The following MRPS16 variants were observed in gnomAD, a reference collection of about 807,000 sequenced individuals.
The protein encoded by MRPS16 is mitochondrial ribosomal protein S16.
In MRPS16, 5 loss-of-function variants were observed where a neutral mutation model predicts 11.0. That is an observed-to-expected ratio of 0.46 (90% CI 0.24 to 0.96). MRPS16 has a LOEUF of 0.96. Ranked by LOEUF, MRPS16 falls within the 40% of genes least tolerant of loss-of-function variation. The probability of loss-of-function intolerance (pLI) is 0.20; values close to 1 mark genes in which losing one functional copy is unlikely to be tolerated. For synonymous variants in MRPS16, 76 were observed against 65.0 expected (o/e 1.17, Z -0.81); for missense variants, 179 against 174.4 (o/e 1.03, Z -0.15).
Position 73,248,989 on chromosome 10 carries a change from G to T in MRPS16, c.*1863C>A, listed in dbSNP as rs1362154957. On this transcript the variant is annotated 3_prime_UTR_variant, in exon 3 of 3. Transcript: ENST00000372945. ...GCTGGACTGTAGTGGAACAATCACA[G>T]TTCACTGCAGCATCGGCCTCCTGGG... 1 of 572,454 alleles carries T rather than the reference G, an allele frequency of 1.7e-6. No individual in the cohort carries two copies. Among genetic ancestry groups the T allele is most frequent in the Non-Finnish European group, 3.4e-6 (1 of 295,094 alleles). The allele number at this position is 572,454 out of a possible 1,614,324, so 35.5% of individuals were successfully genotyped here. A position where few individuals can be genotyped will look rare whatever the true frequency, so the allele number is the denominator to read the frequency against.
In MRPS16 at chr10:73,249,515, T is replaced by G; in HGVS notation, c.*1337A>C. On this transcript the variant is annotated 3_prime_UTR_variant, in exon 3 of 3. Coordinates refer to ENST00000372945, the MANE Select transcript of MRPS16 (RefSeq NM_016065.4). ...CAGTTTATCCTAACACAGAGCAGCC[T>G]TCTTAACCTGCTCCATAAAATTACC... 1 of 522,176 alleles carries G rather than the reference T, an allele frequency of 1.9e-6. No individual in the cohort carries two copies. The highest frequency in any genetic ancestry group is 3.3e-6 in the Non-Finnish European group (1 of 299,606). The allele number at this position is 522,176 out of a possible 1,614,324, so 32.3% of individuals were successfully genotyped here. A position where few individuals can be genotyped will look rare whatever the true frequency, so the allele number is the denominator to read the frequency against.
At chr10:73,251,360 G>C (rs186371385) in intron 2 of MRPS16, among the ~76,000 whole-genome samples, 3 of 151,928 alleles carry the variant, frequency 2.0e-5, no homozygotes, top group African/African-American at 7.3e-5. Flanking sequence ...GAACAGCCTA[G>C]AGGGAATGAA....
Position 73,250,685 on chromosome 10 carries a change from A to G in MRPS16, c.*167T>C, listed in dbSNP as rs1016037718. ...ACCCACACCCAGCTCTAAGTCACAC[A>G]AGAACAAATCTCTCCCTGGGCCCTG... is the stretch of plus-strand genomic sequence containing the variant. On this transcript the variant is annotated 3_prime_UTR_variant, in exon 3 of 3. Coordinates refer to ENST00000372945, the MANE Select transcript of MRPS16 (RefSeq NM_016065.4). The G allele has an allele frequency of 1.9e-5, 17 of 910,206 alleles. No individual in the cohort carries two copies. Among genetic ancestry groups the G allele is most frequent in the Non-Finnish European group, 3.0e-5 (17 of 575,712 alleles). The allele number at this position is 910,206 out of a possible 1,614,324, so 56.4% of individuals were successfully genotyped here. A position where few individuals can be genotyped will look rare whatever the true frequency, so the allele number is the denominator to read the frequency against.
rs188485257 is a variant in MRPS16 at position 73,249,396 on chromosome 10, G to C, written c.*1456C>G. 143 of 1,396,490 alleles carry C rather than the reference G, an allele frequency of 1.0e-4. 1 individual carries two copies. In the African/African-American group the frequency reaches 1.8e-3, roughly 17 times the overall value. 86.5% of individuals were successfully genotyped at this position (1,396,490 alleles called of 1,614,324 possible). Reference sequence around the variant, plus strand: ...TATTCAAATACATTCAAACTATAAAGATCCCTTATAGATTACTGGCATCAA... The same window carrying C: ...TATTCAAATACATTCAAACTATAAACATCCCTTATAGATTACTGGCATCAA... On this transcript the variant is annotated 3_prime_UTR_variant, in exon 3 of 3. Coordinates refer to ENST00000372945, the MANE Select transcript of MRPS16 (RefSeq NM_016065.4).
rs561738482 is a variant in MRPS16, at chr10:73,250,571, T to A, written c.*281A>T. The A allele has an allele frequency of 2.1e-5, 9 of 437,130 alleles. No homozygotes were observed. Among genetic ancestry groups the A allele is most frequent in the African/African-American group, 1.8e-4 (9 of 50,004 alleles). 27.1% of individuals were successfully genotyped at this position (437,130 alleles called of 1,614,324 possible). Reference sequence around the variant, plus strand: ...CTTGGAAGCCAGTAAATTGTAAAGTTGTCCAAGAGACCCAGAGCCCAACTC... The same window carrying A: ...CTTGGAAGCCAGTAAATTGTAAAGTAGTCCAAGAGACCCAGAGCCCAACTC... On this transcript the variant is annotated 3_prime_UTR_variant, in exon 3 of 3. Transcript: ENST00000372945.
rs952943534 is a variant in MRPS16 at position 73,250,643 on chromosome 10, G to A, written c.*209C>T. 4.9e-6 allele frequency: 3 copies of A among 618,458 alleles called. No individual in the cohort carries two copies. The highest frequency in any genetic ancestry group is 3.7e-5 in the African/African-American group (2 of 53,870). The allele number at this position is 618,458 out of a possible 1,614,324, so 38.3% of individuals were successfully genotyped here. On this transcript the variant is annotated 3_prime_UTR_variant, in exon 3 of 3. Transcript: ENST00000372945. ...CCACTGTCTATCCCAAGACAAAGTC[G>A]AAAAAAGCTAATTAGTACCCACACC...
At position 73,249,308 on chromosome 10, in the gene MRPS16, A is replaced by G. The variant is rs780557490; in HGVS notation, c.*1544T>C. 1 of 1,550,082 alleles carries G rather than the reference A, an allele frequency of 6.5e-7. No homozygotes were observed. The highest frequency in any genetic ancestry group is 8.7e-7 in the Non-Finnish European group (1 of 1,146,620). ...CTTCAGGCTTTTAAAACACATGGGA[A>G]TACTTGAGACCTAAGAATGGTTGTG... On this transcript the variant is annotated 3_prime_UTR_variant, in exon 3 of 3. Transcript: ENST00000372945.
chr10:73,250,801 A>T lies in MRPS16; in HGVS notation c.*51T>A. 6.2e-7 allele frequency: 1 copy of T among 1,606,758 alleles called. No homozygotes were observed. Among genetic ancestry groups the T allele is most frequent in the Non-Finnish European group, 8.5e-7 (1 of 1,177,090 alleles). On this transcript the variant is annotated 3_prime_UTR_variant, in exon 3 of 3. Transcript: ENST00000372945. ...AAAATTAAGATCGCTGCAGTGTTTC[A>T]AAAGGACCTTGACCTTGTTCCCACT...
rs766940985 is a variant in MRPS16, at chr10:73,248,974, A to G, written c.*1878T>C. On this transcript the variant is annotated 3_prime_UTR_variant, in exon 3 of 3. Transcript: ENST00000372945. The stretch of plus-strand genomic sequence containing the variant: ...TTCTCTGTCACCCAGGCTGGACTGT[A>G]GTGGAACAATCACAGTTCACTGCAG... The G allele has an allele frequency of 8.9e-6, 5 of 564,172 alleles. No homozygotes were observed. Among genetic ancestry groups the G allele is most frequent in the African/African-American group, 1.9e-5 (1 of 53,666 alleles). 34.9% of individuals were successfully genotyped at this position (564,172 alleles called of 1,614,324 possible). A position where few individuals can be genotyped will look rare whatever the true frequency, so the allele number is the denominator to read the frequency against.
Position 73,250,492 on chromosome 10 carries a change from T to G in MRPS16, c.*360A>C. ...TGTTCTTGCACTTGTGGGATGAACATGAAGATCTGAATGGGCCATGAATAG... is the reference window on the plus strand; with the variant it reads ...TGTTCTTGCACTTGTGGGATGAACAGGAAGATCTGAATGGGCCATGAATAG... On this transcript the variant is annotated 3_prime_UTR_variant, in exon 3 of 3. Coordinates refer to ENST00000372945, the MANE Select transcript of MRPS16 (RefSeq NM_016065.4). 3.3e-6 allele frequency: 1 copy of G among 305,726 alleles called. No individual in the cohort carries two copies. Among genetic ancestry groups the G allele is most frequent in the Non-Finnish European group, 6.3e-6 (1 of 159,198 alleles). The allele number at this position is 305,726 out of a possible 1,614,324, so 18.9% of individuals were successfully genotyped here.
In MRPS16 at chr10:73,249,370, T is replaced by G; in HGVS notation, c.*1482A>C. 1 of 1,497,192 alleles carries G rather than the reference T, an allele frequency of 6.7e-7. No individual in the cohort carries two copies. The highest frequency in any genetic ancestry group is 9.1e-7 in the Non-Finnish European group (1 of 1,102,672). The allele number at this position is 1,497,192 out of a possible 1,614,324, so 92.7% of individuals were successfully genotyped here. ...AAAGTAGAACTAAAGTATACTGAAGTTATTCAAATACATTCAAACTATAAA... is the reference window on the plus strand; with the variant it reads ...AAAGTAGAACTAAAGTATACTGAAGGTATTCAAATACATTCAAACTATAAA... On this transcript the variant is annotated 3_prime_UTR_variant, in exon 3 of 3. Coordinates refer to ENST00000372945, the MANE Select transcript of MRPS16 (RefSeq NM_016065.4).
chr10:73,251,876 T>C lies in MRPS16; in HGVS notation c.161A>G (p.Tyr54Cys), dbSNP rs772803810. The change falls in exon 2 of 3, where the codon TAT becomes TGT. Residue 54 changes from tyrosine (Y) to cysteine (C), a missense_variant. Tyr to Cys is a radical substitution (Grantham distance 194, BLOSUM62 -2). Coordinates refer to ENST00000372945, the MANE Select transcript of MRPS16 (RefSeq NM_016065.4). ...DGRFVEQLGS[Y>C]DPLPNSHGEK... ...TCCATGACTGTTGGGCAATGGATCA[T>C]AGGAGCCCAGCTGCTCTACGAAACG... 3.2e-5 allele frequency: 52 copies of C among 1,614,040 alleles called. No individual in the cohort carries two copies. The highest frequency in any genetic ancestry group is 2.6e-5 in the Non-Finnish European group (31 of 1,180,042).
chr10:73,250,934 C>T lies in MRPS16; in HGVS notation c.332G>A (p.Arg111Gln), dbSNP rs141474741. 67 of 1,614,174 alleles carry T rather than the reference C, an allele frequency of 4.2e-5. No homozygotes were observed. In the African/African-American group the frequency reaches 4.7e-4, roughly 11 times the overall value. ...CAGGACTTCACGTGCCCGTTTCCTT[C>T]GCAGTCTCTCAGCATTTGTGATCAT... is the stretch of plus-strand genomic sequence containing the variant. ...PMMITNAERL[R>Q]RKRAREVLLA... is the part of the protein sequence containing the mutation. The change falls in exon 3 of 3, where the codon CGA becomes CAA. Residue 111 changes from arginine (R) to glutamine (Q), a missense_variant. Physicochemically the swap from Arg to Gln is conservative, Grantham distance 43. Coordinates refer to ENST00000372945, the MANE Select transcript of MRPS16 (RefSeq NM_016065.4).
At chr10:73,251,295 G>A (rs537405329) in intron 2 of MRPS16, among the ~76,000 whole-genome samples, 8 of 152,230 alleles carry the variant, frequency 5.3e-5, no homozygotes, top group Middle Eastern at 3.4e-3. Flanking sequence ...CACAAAAGGG[G>A]CCTCCAGATT....
rs778594862 is a variant in MRPS16 at position 73,252,504 on chromosome 10, C to G, written c.-22G>C. 1 of 1,606,242 alleles carries G rather than the reference C, an allele frequency of 6.2e-7. No homozygotes were observed. Among genetic ancestry groups the G allele is most frequent in the Non-Finnish European group, 8.5e-7 (1 of 1,179,606 alleles). On this transcript the variant is annotated 5_prime_UTR_variant, in exon 1 of 3. Coordinates refer to ENST00000372945, the MANE Select transcript of MRPS16 (RefSeq NM_016065.4). ...CCATGGTGCCGCCGGCGTGCGGCTCCTCGGAGAGCCCCGCTACCCGCACGC... is the reference window on the plus strand; with the variant it reads ...CCATGGTGCCGCCGGCGTGCGGCTCGTCGGAGAGCCCCGCTACCCGCACGC...
rs768838682 is a variant in MRPS16, at chr10:73,250,847, C to G, written c.*5G>C. On this transcript the variant is annotated 3_prime_UTR_variant, in exon 3 of 3. Transcript: ENST00000372945. Reference sequence around the variant, plus strand: ...CCACTGCTATGCTCACTAAAGTCAGCTCATTTATGTTTCTGTAGCCTCTGT... The same window carrying G: ...CCACTGCTATGCTCACTAAAGTCAGGTCATTTATGTTTCTGTAGCCTCTGT... The G allele has an allele frequency of 6.2e-7, 1 of 1,613,680 alleles. No individual in the cohort carries two copies. The highest frequency in any genetic ancestry group is 1.3e-5 in the African/African-American group (1 of 75,062).
At position 73,251,700 on chromosome 10, in the gene MRPS16, A is replaced by T. The variant is rs2044101467; in HGVS notation, c.274+63T>A. The T allele has an allele frequency of 1.9e-6, 3 of 1,608,460 alleles. No individual in the cohort carries two copies. The East Asian group carries it at 6.7e-5, about 36-fold the overall frequency. On this transcript the variant is annotated intron_variant, in intron 2 of 2. Transcript: ENST00000372945. ...CCAGCCGAAAATCATTCTTACACCT[A>T]CTGTCCTGGAGCTGACTTCAGTTTA...
Position 73,252,546 on chromosome 10 carries a change from T to C in MRPS16, c.-64A>G, listed in dbSNP as rs1331457031. Reference sequence around the variant, plus strand: ...CCCGCACGCACCAGCTCTACGGCCTTGGCAGGGCAGAGAACAAACACAGAA... The same window carrying C: ...CCCGCACGCACCAGCTCTACGGCCTCGGCAGGGCAGAGAACAAACACAGAA... On this transcript the variant is annotated 5_prime_UTR_variant, in exon 1 of 3. Coordinates refer to ENST00000372945, the MANE Select transcript of MRPS16 (RefSeq NM_016065.4). 85 of 1,594,024 alleles carry C rather than the reference T, an allele frequency of 5.3e-5. No homozygotes were observed. The highest frequency in any genetic ancestry group is 7.1e-5 in the Non-Finnish European group (83 of 1,175,668).
At chr10:73,252,271 T>A (rs947883289) in intron 1 of MRPS16, 199 bp downstream of exon 1, 1 of 1,061,524 alleles carries the variant, frequency 9.4e-7, no homozygotes, top group Admixed American at 2.0e-5. Context: ...TGTCGGAGCC[T>A]TAGCTGCTTC....
Sources: gnomAD v4.1 joint callset for allele counts (sites outside exome capture counted in the v4.1 genomes callset) on GRCh38, gnomAD v4.1.1 for gene constraint, MANE v1.5 for transcripts, NCBI Gene and HGNC (gene_info 2026-07-23, HGNC 2026-07-21) for gene names.